The following TMEM123 variants were observed in gnomAD, a reference collection of about 807,000 sequenced individuals.
The protein encoded by TMEM123 is transmembrane protein 123.
In TMEM123, 16 loss-of-function variants were observed where a neutral mutation model predicts 19.7. That is an observed-to-expected ratio of 0.81 (90% CI 0.55 to 1.23). TMEM123 has a LOEUF of 1.23. TMEM123 is among the 50% of genes most tolerant of loss of function. The pLI, the probability that TMEM123 is intolerant of heterozygous loss-of-function variation, is 0.00. For synonymous variants in TMEM123, 118 were observed against 99.4 expected (o/e 1.19, Z -1.12); for missense variants, 313 against 257.8 (o/e 1.21, Z -1.47).
At chr11:102,401,721 T>A in intron 3 of TMEM123, 29 bp from the exon 4 acceptor site, 1 of 1,556,832 alleles carries the variant, frequency 6.4e-7, no homozygotes, top group Non-Finnish European at 8.6e-7. Flanking sequence ...AAAAAGGGCT[T>A]TAGCGTTATT....
rs1447475679 is a variant in TMEM123 at position 102,398,110 on chromosome 11, C to T, written c.*757G>A. ...TAATGCCAGGATTATTTAATACTGA[C>T]AACTAAGTCTTTAAAACATTATTAT... On this transcript the variant is annotated 3_prime_UTR_variant, in exon 5 of 5. Transcript: ENST00000398136. 1.3e-5 allele frequency: 2 copies of T among 152,592 alleles called. No homozygotes were observed. Among genetic ancestry groups the T allele is most frequent in the African/African-American group, 2.4e-5 (1 of 41,440 alleles). The allele number at this position is 152,592 out of a possible 1,614,324, so 9.5% of individuals were successfully genotyped here.
intron 2 of TMEM123, among the ~76,000 whole-genome samples, chr11:102,403,429 ACT>A (rs1335079897): frequency 1.3e-5 from 2 of 152,236 alleles, no homozygotes; most frequent in Non-Finnish European, 2.9e-5. Flanking sequence ...TTTATTTCAT[ACT>A]GCATCTTCTT....
intron 2 of TMEM123, among the ~76,000 whole-genome samples, chr11:102,415,897 G>A (rs1358554405): frequency 1.5e-5 from 1 of 68,758 alleles, no homozygotes; most frequent in Non-Finnish European, 2.7e-5. Context: ...GTTGGTGGTT[G>A]TTATTATTAT....
rs904995486 is a variant in TMEM123, at chr11:102,411,228, G to A, written c.158-9022C>T. Among the ~76,000 whole-genome samples the A allele has an allele frequency of 3.3e-5, 5 of 152,238 alleles. No individual in the cohort carries two copies. The South Asian group carries it at 1.0e-3, about 32-fold the overall frequency. Reference sequence around the variant, plus strand: ...AACCTTTGGGAAAGCTAGAAATTAAGCTCTATAAAAACTCCTGTACTGAGA... The same window carrying A: ...AACCTTTGGGAAAGCTAGAAATTAAACTCTATAAAAACTCCTGTACTGAGA... On this transcript the variant is annotated intron_variant, in intron 2 of 4. Coordinates refer to ENST00000398136, the MANE Select transcript of TMEM123 (RefSeq NM_052932.3).
chr11:102,446,348 G>T (rs1219645179), intron 2 of TMEM123, among the ~76,000 whole-genome samples: 1 of 152,148 alleles, frequency 6.6e-6, no homozygotes, highest in African/African-American at 2.4e-5. Context: ...CAAAAGTACA[G>T]CTGTCTTCAA....
intron 2 of TMEM123, among the ~76,000 whole-genome samples, chr11:102,404,600 ATTG>A (rs936135216): frequency 1.3e-5 from 2 of 149,336 alleles, no homozygotes; most frequent in African/African-American, 5.0e-5. Flanking sequence ...TGTATTTATT[ATTG>A]TTATTACTAT....
intron 2 of TMEM123, among the ~76,000 whole-genome samples, chr11:102,427,945 C>T (rs1463291822): frequency 3.3e-5 from 5 of 151,884 alleles, no homozygotes; most frequent in Non-Finnish European, 1.5e-5. Context: ...AAAGAATATA[C>T]ATATCTTATA....
At chr11:102,442,142 C>T (rs373942105) in intron 2 of TMEM123, among the ~76,000 whole-genome samples, 50 of 152,148 alleles carry the variant, frequency 3.3e-4, no homozygotes, top group Admixed American at 2.9e-3. Context: ...GCTGGTAGCA[C>T]TCCTTCTGAA....
Position 102,398,594 on chromosome 11 carries a change from G to C in TMEM123, c.*273C>G, listed in dbSNP as rs1292096958. On this transcript the variant is annotated 3_prime_UTR_variant, in exon 5 of 5. Transcript: ENST00000398136. ...ATATGTGACCAATGCCCCCACCCCA[G>C]CCAAAAAAAAAAAGATAGGACTTGT... 1 of 504,138 alleles carries C rather than the reference G, an allele frequency of 2.0e-6. No individual in the cohort carries two copies. Among genetic ancestry groups the C allele is most frequent in the East Asian group, 3.4e-5 (1 of 29,226 alleles). The allele number at this position is 504,138 out of a possible 1,614,324, so 31.2% of individuals were successfully genotyped here.
At chr11:102,417,430 T>G (rs1952051347) in intron 2 of TMEM123, among the ~76,000 whole-genome samples, 1 of 152,022 alleles carries the variant, frequency 6.6e-6, no homozygotes, top group African/African-American at 2.4e-5. Context: ...AACATACAAA[T>G]ACCTAGGAAT....
At chr11:102,420,711 T>A (rs1322535228) in intron 2 of TMEM123, among the ~76,000 whole-genome samples, 1 of 152,178 alleles carries the variant, frequency 6.6e-6, no homozygotes, top group African/African-American at 2.4e-5. Context: ...TTAGGACAGA[T>A]GAGTGAATGT....
At chr11:102,399,925 G>A (rs186366373) in intron 4 of TMEM123, among the ~76,000 whole-genome samples, 228 of 151,840 alleles carry the variant, frequency 1.5e-3, no homozygotes, top group African/African-American at 5.3e-3. Flanking sequence ...AGCCGAGATC[G>A]TGCCATTGCA....
intron 2 of TMEM123, among the ~76,000 whole-genome samples, chr11:102,438,879 A>G (rs1857794033): frequency 6.6e-6 from 1 of 152,088 alleles, no homozygotes; most frequent in South Asian, 2.1e-4. Flanking sequence ...AAATCGGGAC[A>G]CTCCCACCCT....
chr11:102,426,601 C>A (rs1054820108), intron 2 of TMEM123, among the ~76,000 whole-genome samples: 4 of 152,042 alleles, frequency 2.6e-5, no homozygotes, highest in Non-Finnish European at 5.9e-5. Context: ...AAGCTTAAAA[C>A]CCTTGAGTGG....
At chr11:102,405,437 C>T (rs1045342314) in intron 2 of TMEM123, among the ~76,000 whole-genome samples, 3 of 152,128 alleles carry the variant, frequency 2.0e-5, no homozygotes, top group Admixed American at 6.6e-5. Context: ...GTAGGTAATA[C>T]AAATGCACTA....
chr11:102,443,635 G>A (rs1857850007), intron 2 of TMEM123, among the ~76,000 whole-genome samples: 1 of 152,092 alleles, frequency 6.6e-6, no homozygotes, highest in African/African-American at 2.4e-5. Flanking sequence ...CACAGGCATG[G>A]GCGAGGACTT....
chr11:102,444,723 T>A (rs147079385), intron 2 of TMEM123, among the ~76,000 whole-genome samples: 6,826 of 151,804 alleles, frequency 0.045, 212 homozygotes, highest in Non-Finnish European at 0.073. Flanking sequence ...TGCACACACA[T>A]GTTTATTGCA....
At chr11:102,409,595 G>A (rs1951985382) in intron 2 of TMEM123, among the ~76,000 whole-genome samples, 1 of 152,088 alleles carries the variant, frequency 6.6e-6, no homozygotes, top group East Asian at 1.9e-4. Context: ...GGCCGGGTGT[G>A]GTGGCTCATA....
chr11:102,450,208 T>C (rs902312319), intron 1 of TMEM123, among the ~76,000 whole-genome samples: 1 of 152,260 alleles, frequency 6.6e-6, no homozygotes, highest in Non-Finnish European at 1.5e-5. Context: ...TTCCCTGCTA[T>C]TGTCGCTCTT....
Sources: gnomAD v4.1 joint callset for allele counts (sites outside exome capture counted in the v4.1 genomes callset) on GRCh38, gnomAD v4.1.1 for gene constraint, MANE v1.5 for transcripts, NCBI Gene and HGNC (gene_info 2026-07-23, HGNC 2026-07-21) for gene names.